The following UBE2V2 variants were observed in gnomAD, a reference collection of about 807,000 sequenced individuals.
UBE2V2 encodes the protein ubiquitin conjugating enzyme E2 V2.
In UBE2V2, 9 loss-of-function variants were observed where a neutral mutation model predicts 17.2. The observed-to-expected ratio is 0.52, with a 90% CI of 0.32 to 0.91. The LOEUF (loss-of-function observed/expected upper bound fraction) is 0.91. Among genes scored for constraint, UBE2V2 ranks in the 40% least tolerant of loss-of-function variants. The pLI is 0.04. For missense variants in UBE2V2, 133 were observed against 182.6 expected (o/e 0.73, Z 1.56); for synonymous variants, 61 against 57.5 (o/e 1.06, Z -0.28).
intron 1 of UBE2V2, among the ~76,000 whole-genome samples, chr8:48,017,380 T>C (rs115749823): frequency 2.4e-4 from 34 of 144,378 alleles, no homozygotes; most frequent in Middle Eastern, 3.6e-3. Context: ...CTCTCTCTCT[T>C]TTTTTTTTTT....
At chr8:48,054,341 G>A (rs576510870) in intron 3 of UBE2V2, among the ~76,000 whole-genome samples, 1 of 152,108 alleles carries the variant, frequency 6.6e-6, no homozygotes, top group Non-Finnish European at 1.5e-5. Context: ...TTTCCTCCCG[G>A]CTGGGTCAAT....
Position 48,047,243 on chromosome 8 carries a change from A to G in UBE2V2, c.166-2610A>G, listed in dbSNP as rs117261659. Among the ~76,000 whole-genome samples, 1,336 of 152,106 alleles carry G rather than the reference A, an allele frequency of 8.8e-3. 10 individuals carry two copies. Among genetic ancestry groups the G allele is most frequent in the South Asian group, 0.022 (105 of 4,814 alleles). ...GGTGTGAGCCACCATGTCCAGCCAGATCCCTCATTTTTTATGTTGTTCTAG... is the reference window on the plus strand; with the variant it reads ...GGTGTGAGCCACCATGTCCAGCCAGGTCCCTCATTTTTTATGTTGTTCTAG... On this transcript the variant is annotated intron_variant, in intron 2 of 3. Transcript: ENST00000523111.
chr8:48,004,972 C>T (rs373949000), upstream of UBE2V2, among the ~76,000 whole-genome samples: 15 of 151,768 alleles, frequency 9.9e-5, 1 homozygote, highest in African/African-American at 3.6e-4. Context: ...AGGCTACAGG[C>T]ACGAACCAGA....
chr8:48,053,166 A>T (rs2091549871), intron 3 of UBE2V2, among the ~76,000 whole-genome samples: 1 of 152,056 alleles, frequency 6.6e-6, no homozygotes, highest in African/African-American at 2.4e-5. Context: ...TACAGGCATG[A>T]GCCACCGCAC....
chr8:48,020,040 GTC>G (rs1199422047), intron 1 of UBE2V2, among the ~76,000 whole-genome samples: 1 of 151,094 alleles, frequency 6.6e-6, no homozygotes, highest in African/African-American at 2.4e-5. Flanking sequence ...CTCTCTCTCT[GTC>G]TCTCTTTTTT....
chr8:48,013,605 G>A (rs1330528108), intron 1 of UBE2V2, among the ~76,000 whole-genome samples: 3 of 152,082 alleles, frequency 2.0e-5, no homozygotes, highest in Admixed American at 6.6e-5. Context: ...CACCGCGCCC[G>A]GCCCACATGA....
At chr8:48,012,427 A>G (rs1445632842) in intron 1 of UBE2V2, among the ~76,000 whole-genome samples, 1 of 152,192 alleles carries the variant, frequency 6.6e-6, no homozygotes, top group African/African-American at 2.4e-5. Context: ...TAGATAGAAA[A>G]GTATGTGCAG....
At chr8:48,042,867 G>A (rs1306307369) in intron 1 of UBE2V2, 166 bp from the exon 2 acceptor site, 5 of 546,882 alleles carry the variant, frequency 9.1e-6, no homozygotes, top group Non-Finnish European at 1.2e-5. Flanking sequence ...TTCATTTTGA[G>A]GGGTTATTAG....
intron 1 of UBE2V2, among the ~76,000 whole-genome samples, chr8:48,026,904 A>G (rs2091349979): frequency 6.6e-6 from 1 of 152,134 alleles, no homozygotes; most frequent in Admixed American, 6.6e-5. Context: ...GCCCCGCTTG[A>G]GTAGATACCT....
At chr8:48,015,082 C>G (rs2091260076) in intron 1 of UBE2V2, among the ~76,000 whole-genome samples, 1 of 144,862 alleles carries the variant, frequency 6.9e-6, no homozygotes, top group Non-Finnish European at 1.5e-5. Flanking sequence ...TAAGGCTTGT[C>G]AAGAGTAGCT....
intron 3 of UBE2V2, among the ~76,000 whole-genome samples, chr8:48,059,498 T>A (rs1802554000): frequency 6.6e-6 from 1 of 151,858 alleles, no homozygotes; most frequent in Non-Finnish European, 1.5e-5. Context: ...AGCCTCCACC[T>A]CCCAGGTTCA....
intron 1 of UBE2V2, among the ~76,000 whole-genome samples, chr8:48,037,911 G>T (rs1192811337): frequency 6.6e-6 from 1 of 152,134 alleles, no homozygotes. Context: ...GCAAAGTGAA[G>T]TTTATGCTTA....
chr8:48,007,463 A>G (rs1268673049), upstream of UBE2V2, among the ~76,000 whole-genome samples: 2 of 150,628 alleles, frequency 1.3e-5, no homozygotes, highest in African/African-American at 4.9e-5. Context: ...CTATACACTA[A>G]TAACAGACAA....
At chr8:48,059,623 T>G (rs1385459604) in intron 3 of UBE2V2, among the ~76,000 whole-genome samples, 5 of 151,614 alleles carry the variant, frequency 3.3e-5, no homozygotes, top group Admixed American at 2.0e-4. Context: ...ATGTTGGCCA[T>G]GCTGGTCTCA....
At chr8:48,021,551 C>T (rs2091305862) in intron 1 of UBE2V2, among the ~76,000 whole-genome samples, 2 of 152,052 alleles carry the variant, frequency 1.3e-5, no homozygotes, top group South Asian at 4.2e-4. Flanking sequence ...CGTGATCTGC[C>T]CGCCTTGGCC....
chr8:48,021,253 A>G (rs985694599), intron 1 of UBE2V2, among the ~76,000 whole-genome samples: 4 of 117,388 alleles, frequency 3.4e-5, no homozygotes, highest in African/African-American at 1.3e-4. Flanking sequence ...AATTTTTTGT[A>G]TTTTTAGTAG....
chr8:48,043,852 G>T (rs2091480692), intron 2 of UBE2V2, among the ~76,000 whole-genome samples: 2 of 150,996 alleles, frequency 1.3e-5, no homozygotes, highest in Non-Finnish European at 2.9e-5. Flanking sequence ...CTGGCCCATT[G>T]TACTTTGTCT....
chr8:48,022,228 C>G (rs968537999), intron 1 of UBE2V2, among the ~76,000 whole-genome samples: 3 of 151,540 alleles, frequency 2.0e-5, no homozygotes, highest in Non-Finnish European at 4.4e-5. Context: ...ACCTTCGCCT[C>G]CCGGGTTCAT....
upstream of UBE2V2, chr8:48,008,331 C>T (rs45567136): frequency 3.6e-5 from 47 of 1,317,860 alleles, 1 homozygote; most frequent in East Asian, 1.0e-3. Context: ...CGCTGTCCCT[C>T]GGGTCGCCCC....
Sources: allele counts gnomAD v4.1 joint callset (sites outside exome capture counted in the v4.1 genomes callset), GRCh38; gene constraint gnomAD v4.1.1; transcripts MANE v1.5; gene names NCBI Gene and HGNC (gene_info 2026-07-23, HGNC 2026-07-21).